Variants in ZFYVE9 observed in about 807,000 individuals in gnomAD.
ZFYVE9 encodes the protein zinc finger FYVE-type containing 9.
Under a neutral mutation model 126.7 loss-of-function variants are expected in ZFYVE9, and 43 were observed. The observed-to-expected ratio is 0.34, with a 90% CI of 0.27 to 0.44. ZFYVE9 has a LOEUF of 0.44. Among genes scored for constraint, ZFYVE9 ranks in the 20% least tolerant of loss-of-function variants. The pLI, the probability that ZFYVE9 is intolerant of heterozygous loss-of-function variation, is 1.00. For missense variants in ZFYVE9, 1,476 were observed against 1,697.0 expected (o/e 0.87, Z 2.29); for synonymous variants, 521 against 597.4 (o/e 0.87, Z 1.87).
chr1:52,182,955 T>A (rs868812173), intron 1 of ZFYVE9, among the ~76,000 whole-genome samples: 15 of 152,042 alleles, frequency 9.9e-5, no homozygotes, highest in Middle Eastern at 6.8e-3. Flanking sequence ...GTGAATAAAT[T>A]AAAAAAAATA....
chr1:52,247,362 A>C (rs4394585), intron 4 of ZFYVE9, among the ~76,000 whole-genome samples: 1 of 152,198 alleles, frequency 6.6e-6, no homozygotes, highest in South Asian at 2.1e-4. Flanking sequence ...TACATTCTAA[A>C]TACTAGTCAC....
At chr1:52,143,542 TTAA>T (rs1285914437) in intron 1 of ZFYVE9, among the ~76,000 whole-genome samples, 1 of 152,212 alleles carries the variant, frequency 6.6e-6, no homozygotes, top group African/African-American at 2.4e-5. Flanking sequence ...TAATAAATAT[TTAA>T]TAATAGGAGA....
chr1:52,265,973 C>CT (rs1045680655), intron 5 of ZFYVE9, among the ~76,000 whole-genome samples: 77 of 152,232 alleles, frequency 5.1e-4, no homozygotes, highest in African/African-American at 1.8e-3. Context: ...GTTTCAAATT[C>CT]TTAAAGTTTG....
chr1:52,275,484 G>A (rs1645736328), intron 8 of ZFYVE9, among the ~76,000 whole-genome samples: 1 of 152,144 alleles, frequency 6.6e-6, no homozygotes, highest in African/African-American at 2.4e-5. Context: ...CACAGTGGCT[G>A]AACTAATTTA....
intron 4 of ZFYVE9, among the ~76,000 whole-genome samples, chr1:52,240,608 G>T (rs79802616): frequency 0.012 from 1,853 of 152,274 alleles, 32 homozygotes; most frequent in African/African-American, 0.043. Flanking sequence ...ATGAGACTCA[G>T]TGATTTATGT....
At chr1:52,288,752 C>G (rs1645888051) in intron 10 of ZFYVE9, among the ~76,000 whole-genome samples, 2 of 151,620 alleles carry the variant, frequency 1.3e-5, no homozygotes. Flanking sequence ...ATGGCTAAAC[C>G]CTGTCTCTGC....
At chr1:52,231,693 G>A (rs952255171) in intron 2 of ZFYVE9, among the ~76,000 whole-genome samples, 5 of 151,270 alleles carry the variant, frequency 3.3e-5, no homozygotes, top group African/African-American at 1.2e-4. Context: ...GTGCAATCTC[G>A]GCTCACTGCA....
chr1:52,340,372 T>C (rs1646424555), intron 17 of ZFYVE9, 141 bp downstream of exon 17: 2 of 647,446 alleles, frequency 3.1e-6, no homozygotes, highest in Admixed American at 5.9e-5. Context: ...CTACAATTCC[T>C]ATCTGAAATC....
intron 1 of ZFYVE9, among the ~76,000 whole-genome samples, chr1:52,194,552 T>C (rs947804041): frequency 2.6e-5 from 4 of 152,192 alleles, no homozygotes; most frequent in African/African-American, 9.7e-5. Flanking sequence ...TTCCATTTAC[T>C]ACCTGTGAGA....
At chr1:52,229,219 A>G (rs1050894059) in intron 2 of ZFYVE9, among the ~76,000 whole-genome samples, 14 of 152,182 alleles carry the variant, frequency 9.2e-5, no homozygotes, top group African/African-American at 3.4e-4. Flanking sequence ...CTCACATTCT[A>G]GATTTGTCTT....
Position 52,237,988 on chromosome 1 carries a change from C to A in ZFYVE9, c.571C>A (p.Gln191Lys). The stretch of plus-strand genomic sequence containing the variant: ...CTGTTCACTGGATAATGAAAACAGA[C>A]AAACTGATCAATTTAGTTTTAGTAT... ...FSCSLDNENR[Q>K]TDQFSFSINE... Residue 191 changes from glutamine (Q) to lysine (K), a missense_variant, in exon 4 of 19, where the codon CAA becomes AAA. By Grantham distance (53) the Gln-to-Lys change is moderately conservative (BLOSUM62 1). Coordinates refer to ENST00000287727, the MANE Select transcript of ZFYVE9 (RefSeq NM_004799.4). 6.2e-7 allele frequency: 1 copy of A among 1,613,952 alleles called. No individual in the cohort carries two copies.
At chr1:52,233,619 C>T (rs1165796322) in intron 3 of ZFYVE9, among the ~76,000 whole-genome samples, 1 of 152,152 alleles carries the variant, frequency 6.6e-6, no homozygotes, top group African/African-American at 2.4e-5. Flanking sequence ...AATGTATGGT[C>T]AAGAAATGTG....
At chr1:52,160,519 G>A (rs1209480968) in intron 1 of ZFYVE9, 6 of 779,900 alleles carry the variant, frequency 7.7e-6, no homozygotes, top group African/African-American at 1.7e-5. Context: ...TAGCCACCAC[G>A]CTGATGCCCC....
chr1:52,247,303 G>T (rs1362785474), intron 4 of ZFYVE9, among the ~76,000 whole-genome samples: 6 of 151,768 alleles, frequency 4.0e-5, no homozygotes, highest in Non-Finnish European at 5.9e-5. Context: ...TTGTTTTTTT[G>T]CATCTCTTCT....
intron 1 of ZFYVE9, among the ~76,000 whole-genome samples, chr1:52,177,043 G>T (rs956124074): frequency 3.9e-5 from 6 of 152,078 alleles, no homozygotes; most frequent in African/African-American, 4.8e-5. Context: ...AGATGAACCC[G>T]GTACCTCAGA....
At position 52,238,772 on chromosome 1, in the gene ZFYVE9, C is replaced by T. The variant is rs748137952; in HGVS notation, c.1355C>T (p.Thr452Ile). Residue 452 changes from threonine to isoleucine, a missense_variant, in exon 4 of 19, where the codon ACT becomes ATT. Thr to Ile is a moderately conservative substitution (Grantham distance 89). Coordinates refer to ENST00000287727, the MANE Select transcript of ZFYVE9 (RefSeq NM_004799.4). ...LADAGLDLKG[T>I]CISESEECDF... is the part of the protein sequence containing the mutation. The stretch of plus-strand genomic sequence containing the variant: ...GATGCAGGTCTAGATTTAAAAGGAA[C>T]TTGCATTAGTGAAAGTGAAGAATGT... The T allele has an allele frequency of 6.2e-7, 1 of 1,614,076 alleles. No individual in the cohort carries two copies. The highest frequency in any genetic ancestry group is 8.5e-7 in the Non-Finnish European group (1 of 1,179,962).
chr1:52,209,487 C>A (rs1645008261), intron 1 of ZFYVE9, among the ~76,000 whole-genome samples: 1 of 152,062 alleles, frequency 6.6e-6, no homozygotes, highest in Non-Finnish European at 1.5e-5. Flanking sequence ...CATTAGTAGT[C>A]ACACGCCATT....
At chr1:52,318,370 A>ATATG (rs1039308042) in intron 13 of ZFYVE9, among the ~76,000 whole-genome samples, 5 of 144,302 alleles carry the variant, frequency 3.5e-5, no homozygotes, top group African/African-American at 1.0e-4. Context: ...GCATGATTGT[A>ATATG]TGTGTGTGTG....
intron 14 of ZFYVE9, among the ~76,000 whole-genome samples, chr1:52,333,305 A>AT (rs200704002): frequency 1.3e-3 from 192 of 152,004 alleles, no homozygotes; most frequent in African/African-American, 4.2e-3. Flanking sequence ...AAAAAAAAAA[A>AT]ATATGCCCTT....
Sources: allele counts gnomAD v4.1 joint callset (sites outside exome capture counted in the v4.1 genomes callset), GRCh38; gene constraint gnomAD v4.1.1; transcripts MANE v1.5; gene names NCBI Gene and HGNC (gene_info 2026-07-23, HGNC 2026-07-21).